The following SDK1 variants were observed in gnomAD, a reference collection of about 807,000 sequenced individuals.
SDK1 encodes the protein protein sidekick-1.
A neutral mutation model predicts 245.5 loss-of-function variants in SDK1; 157 were observed. The observed-to-expected ratio is 0.64, with a 90% CI of 0.56 to 0.73. The LOEUF is 0.73. Among genes scored for constraint, SDK1 ranks in the 30% least tolerant of loss-of-function variants. The pLI is 0.00. For missense variants in SDK1, 3,583 were observed against 3,002.3 expected (o/e 1.19, Z -4.52); for synonymous variants, 1,647 against 1,278.5 (o/e 1.29, Z -6.15).
chr7:3,757,722 C>G (rs1486189397), intron 4 of SDK1, among the ~76,000 whole-genome samples: 9 of 152,272 alleles, frequency 5.9e-5, no homozygotes, highest in African/African-American at 9.6e-5. Context: ...TCTTCCAACC[C>G]CATTGCTGGA....
intron 4 of SDK1, among the ~76,000 whole-genome samples, chr7:3,650,618 A>G (rs1782983820): frequency 6.6e-6 from 1 of 152,190 alleles, no homozygotes; most frequent in South Asian, 2.1e-4. Context: ...CAACCAGGAT[A>G]CTGACTTTGA....
chr7:3,904,418 C>T (rs1262166221), intron 5 of SDK1, among the ~76,000 whole-genome samples: 2 of 152,052 alleles, frequency 1.3e-5, no homozygotes, highest in Admixed American at 6.6e-5. Context: ...ATGAAACTAG[C>T]CTGGTGCAGT....
chr7:3,721,744 G>T (rs187902834), intron 4 of SDK1, among the ~76,000 whole-genome samples: 151 of 152,258 alleles, frequency 9.9e-4, no homozygotes, highest in Admixed American at 2.7e-3. Context: ...AGAGGAAGAG[G>T]AGATACAGGA....
At chr7:3,420,542 G>A (rs757337572) in intron 1 of SDK1, among the ~76,000 whole-genome samples, 21 of 152,066 alleles carry the variant, frequency 1.4e-4, no homozygotes, top group Admixed American at 5.2e-4. Context: ...CTAAGTAGTC[G>A]TGCTAATCTT....
At chr7:3,911,143 TA>T (rs951845964) in intron 5 of SDK1, among the ~76,000 whole-genome samples, 6 of 152,136 alleles carry the variant, frequency 3.9e-5, no homozygotes, top group Admixed American at 3.3e-4. Flanking sequence ...AAAGGACACA[TA>T]AAAAAAATTA....
intron 1 of SDK1, among the ~76,000 whole-genome samples, chr7:3,402,931 C>T (rs914777850): frequency 6.6e-6 from 1 of 151,136 alleles, no homozygotes; most frequent in East Asian, 1.9e-4. Flanking sequence ...TGAAACATTT[C>T]TATTCCTCTG....
At chr7:3,537,362 C>T (rs1295854446) in intron 1 of SDK1, among the ~76,000 whole-genome samples, 2 of 152,160 alleles carry the variant, frequency 1.3e-5, no homozygotes, top group Non-Finnish European at 2.9e-5. Flanking sequence ...AGTGCTAGAG[C>T]CAGGGCCTGG....
At chr7:3,348,942 A>C (rs2128557150) in intron 1 of SDK1, among the ~76,000 whole-genome samples, 1 of 152,312 alleles carries the variant, frequency 6.6e-6, no homozygotes, top group South Asian at 2.1e-4. Context: ...GTTTGATGCC[A>C]TGTAGCTTGT....
intron 5 of SDK1, among the ~76,000 whole-genome samples, chr7:3,869,450 C>G (rs1780905467): frequency 6.6e-6 from 1 of 152,136 alleles, no homozygotes. Flanking sequence ...GCCACCACGC[C>G]TGGCCTGTAT....
At chr7:3,937,230 T>G (rs558719349) in intron 5 of SDK1, among the ~76,000 whole-genome samples, 1 of 152,270 alleles carries the variant, frequency 6.6e-6, no homozygotes, top group East Asian at 1.9e-4. Flanking sequence ...TCAACAGGTA[T>G]TTATGAGGCC....
chr7:3,997,619 C>T (rs1295448201), intron 14 of SDK1, among the ~76,000 whole-genome samples: 2 of 152,172 alleles, frequency 1.3e-5, no homozygotes, highest in Admixed American at 6.5e-5. Context: ...GTCCTCCTGT[C>T]ATCTGCTCAG....
At chr7:3,872,232 A>C (rs1434979626) in intron 5 of SDK1, among the ~76,000 whole-genome samples, 1 of 152,144 alleles carries the variant, frequency 6.6e-6, no homozygotes, top group Non-Finnish European at 1.5e-5. Flanking sequence ...TTCTCTATTC[A>C]TGAGAGTTAT....
At chr7:3,347,924 T>C (rs1315469542) in intron 1 of SDK1, among the ~76,000 whole-genome samples, 1 of 151,948 alleles carries the variant, frequency 6.6e-6, no homozygotes, top group Non-Finnish European at 1.5e-5. Flanking sequence ...GTAGTAAGTC[T>C]CTGAAAATAA....
chr7:3,994,361 G>A (rs1449891028), intron 14 of SDK1, among the ~76,000 whole-genome samples: 3 of 152,170 alleles, frequency 2.0e-5, no homozygotes, highest in African/African-American at 4.8e-5. Context: ...TAATGTCCAG[G>A]CTGGGCGCAG....
intron 5 of SDK1, among the ~76,000 whole-genome samples, chr7:3,843,300 T>C (rs2115091406): frequency 6.6e-6 from 1 of 152,374 alleles, no homozygotes; most frequent in Middle Eastern, 3.4e-3. Flanking sequence ...TGGCTTTGTC[T>C]ATGTGAGTGG....
At chr7:4,233,631 G>A (rs575612159) in intron 41 of SDK1, among the ~76,000 whole-genome samples, 1 of 152,278 alleles carries the variant, frequency 6.6e-6, no homozygotes, top group South Asian at 2.1e-4. Flanking sequence ...CTGAAGGACG[G>A]GAGAGAGAAA....
At chr7:3,336,654 C>T (rs1050894738) in intron 1 of SDK1, among the ~76,000 whole-genome samples, 1 of 151,886 alleles carries the variant, frequency 6.6e-6, no homozygotes, top group Non-Finnish European at 1.5e-5. Context: ...TCCTGAACTT[C>T]TGCTCCTGGA....
At chr7:3,798,936 G>T (rs1779036270) in intron 4 of SDK1, among the ~76,000 whole-genome samples, 1 of 152,182 alleles carries the variant, frequency 6.6e-6, no homozygotes, top group Non-Finnish European at 1.5e-5. Flanking sequence ...GATCTTGCCT[G>T]CAGTAACTGT....
At chr7:4,103,403 G>C (rs1339857430) in intron 22 of SDK1, among the ~76,000 whole-genome samples, 1 of 152,094 alleles carries the variant, frequency 6.6e-6, no homozygotes, top group African/African-American at 2.4e-5. Context: ...TTCTTTCTTG[G>C]CCTTGAAATC....
Sources: gnomAD v4.1 joint callset for allele counts (sites outside exome capture counted in the v4.1 genomes callset) on GRCh38, gnomAD v4.1.1 for gene constraint, MANE v1.5 for transcripts, NCBI Gene and HGNC (gene_info 2026-07-23, HGNC 2026-07-21) for gene names.